The following RTN4IP1 variants were observed in gnomAD, a reference collection of about 807,000 sequenced individuals.
RTN4IP1 encodes the protein reticulon 4 interacting protein 1, also known as NAD(P)H oxidoreductase RTN4IP1, mitochondrial.
A neutral mutation model predicts 46.6 loss-of-function variants in RTN4IP1; 32 were observed. The observed-to-expected ratio is 0.69, with a 90% CI of 0.52 to 0.92. The LOEUF is 0.92. Ranked by LOEUF, RTN4IP1 falls within the 40% of genes least tolerant of loss-of-function variation. The pLI, the probability that RTN4IP1 is intolerant of heterozygous loss-of-function variation, is 0.00. For missense variants in RTN4IP1, 424 were observed against 485.8 expected, an observed-to-expected ratio of 0.87 and a Z score of 1.20; for synonymous variants, 167 against 161.8, an observed-to-expected ratio of 1.03 and a Z score of -0.24.
intron 5 of RTN4IP1, among the ~76,000 whole-genome samples, chr6:106,595,558 C>T (rs6911512): frequency 0.68 from 102,155 of 149,186 alleles, 36,807 homozygotes; most frequent in Non-Finnish European, 0.81. Flanking sequence ...AGTGCAGTGG[C>T]GTGATCTCTG....
chr6:106,589,257 G>A (rs1246805047), intron 6 of RTN4IP1, among the ~76,000 whole-genome samples: 1 of 12,942 alleles, frequency 7.7e-5, no homozygotes, highest in Non-Finnish European at 5.0e-4. Context: ...GGAGAAGGAG[G>A]AGGAGAAGGA....
intron 1 of RTN4IP1, among the ~76,000 whole-genome samples, chr6:106,627,141 G>A (rs374440208): frequency 2.9e-4 from 43 of 146,906 alleles, no homozygotes; most frequent in African/African-American, 2.7e-4. Flanking sequence ...AAAGGTAGGA[G>A]AAAAAAAAAA....
chr6:106,615,408 C>A (rs1776325613), intron 4 of RTN4IP1, among the ~76,000 whole-genome samples: 1 of 150,428 alleles, frequency 6.6e-6, no homozygotes, highest in African/African-American at 2.4e-5. Context: ...AACCTAATAT[C>A]AAAAAAAAAG....
At chr6:106,595,744 C>T (rs573636687) in intron 5 of RTN4IP1, among the ~76,000 whole-genome samples, 5 of 152,262 alleles carry the variant, frequency 3.3e-5, no homozygotes, top group African/African-American at 9.6e-5. Context: ...GTGATCTGCC[C>T]GCCTTGGCAT....
intron 4 of RTN4IP1, among the ~76,000 whole-genome samples, chr6:106,605,116 C>T (rs1447759142): frequency 6.6e-6 from 1 of 152,204 alleles, no homozygotes; most frequent in Non-Finnish European, 1.5e-5. Flanking sequence ...GAGAACCAGA[C>T]TGCCTGGCAC....
chr6:106,614,901 A>T (rs918758045), intron 4 of RTN4IP1, among the ~76,000 whole-genome samples: 1 of 152,108 alleles, frequency 6.6e-6, no homozygotes, highest in African/African-American at 2.4e-5. Flanking sequence ...GCTATTGTAT[A>T]AAACACAAAT....
intron 6 of RTN4IP1, among the ~76,000 whole-genome samples, chr6:106,588,451 A>G (rs1214016724): frequency 6.6e-6 from 1 of 152,174 alleles, no homozygotes; most frequent in East Asian, 1.9e-4. Flanking sequence ...ATTTTCTATC[A>G]TTTGGTTTCA....
chr6:106,612,693 A>G (rs1776256649), intron 4 of RTN4IP1, among the ~76,000 whole-genome samples: 1 of 152,200 alleles, frequency 6.6e-6, no homozygotes, highest in African/African-American at 2.4e-5. Flanking sequence ...CACCTGCTCT[A>G]CCCTAACTCA....
chr6:106,575,576 A>G (rs868025574), intron 8 of RTN4IP1, among the ~76,000 whole-genome samples: 2 of 152,306 alleles, frequency 1.3e-5, no homozygotes, highest in Middle Eastern at 6.8e-3. Context: ...ACCTCTCACT[A>G]CTGCAAGAGC....
intron 5 of RTN4IP1, among the ~76,000 whole-genome samples, chr6:106,593,898 TC>T (rs1244079336): frequency 6.6e-6 from 1 of 152,146 alleles, no homozygotes; most frequent in African/African-American, 2.4e-5. Flanking sequence ...AAGAATATAA[TC>T]CAAGATGAAT....
rs991139830 is a variant in RTN4IP1, at chr6:106,592,364, GA to G, written c.670-65del. 1.2e-4 allele frequency: 185 copies of G among 1,509,480 alleles called. No homozygotes were observed. The East Asian group carries it at 1.7e-3, about 13-fold the overall frequency. 93.5% of individuals were successfully genotyped at this position (1,509,480 alleles called of 1,614,324 possible). A position where few individuals can be genotyped will look rare whatever the true frequency, so the allele number is the denominator to read the frequency against. ...AGAGATTAGAAAAACTGACTGCATT[GA>G]AAAAAAAATCATTGGCACCATGTAT... is the stretch of plus-strand genomic sequence containing the variant. On this transcript the variant is annotated intron_variant, in intron 5 of 8. Transcript: ENST00000369063.
At chr6:106,615,496 T>C (rs945750331) in intron 4 of RTN4IP1, among the ~76,000 whole-genome samples, 4 of 152,136 alleles carry the variant, frequency 2.6e-5, no homozygotes, top group African/African-American at 9.7e-5. Context: ...GAGGAATAGT[T>C]CAATTCCTAA....
chr6:106,619,327 C>A lies in RTN4IP1; in HGVS notation c.496-1G>T. 1.2e-6 allele frequency: 2 copies of A among 1,613,976 alleles called. No individual in the cohort carries two copies. Among genetic ancestry groups the A allele is most frequent in the Non-Finnish European group, 1.7e-6 (2 of 1,179,964 alleles). On this transcript the variant is annotated splice_acceptor_variant, in intron 3 of 8. Transcript: ENST00000369063. LOFTEE classifies it high-confidence loss of function. Reference sequence around the variant, plus strand: ...TGAGTGATTTGGGTTTGTGAGAGACCTACATTTGAAGACAACAGTCAAAAA... The same window carrying A: ...TGAGTGATTTGGGTTTGTGAGAGACATACATTTGAAGACAACAGTCAAAAA...
rs1329217168 is a variant in RTN4IP1 at position 106,595,536 on chromosome 6, G to C, written c.670-3236C>G. ...TTTTTGTGGGGGACAGTCTCGCTCT[G>C]TCCCAGGCTAGAGTGCAGTGGCGTG... On this transcript the variant is annotated intron_variant, in intron 5 of 8. Coordinates refer to ENST00000369063, the MANE Select transcript of RTN4IP1 (RefSeq NM_032730.5). Among the ~76,000 whole-genome samples the C allele has an allele frequency of 2.1e-5, 3 of 143,492 alleles. No homozygotes were observed. In the Admixed American group the frequency reaches 2.1e-4, roughly 10 times the overall value. The allele number at this position is 143,492 out of a possible 152,430, so 94.1% of individuals were successfully genotyped here. A position where few individuals can be genotyped will look rare whatever the true frequency, so the allele number is the denominator to read the frequency against.
At chr6:106,624,517 T>G (rs1776584733) in intron 1 of RTN4IP1, among the ~76,000 whole-genome samples, 1 of 151,662 alleles carries the variant, frequency 6.6e-6, no homozygotes, top group Admixed American at 6.6e-5. Context: ...TGGCTAATTT[T>G]GTAGAAACAG....
chr6:106,575,612 C>T (rs1441394523), intron 8 of RTN4IP1, among the ~76,000 whole-genome samples: 1 of 152,246 alleles, frequency 6.6e-6, no homozygotes, highest in African/African-American at 2.4e-5. Context: ...GAGAAGGACA[C>T]TGTCTAGGCA....
intron 5 of RTN4IP1, among the ~76,000 whole-genome samples, chr6:106,601,756 A>G (rs2114654453): frequency 6.6e-6 from 1 of 152,102 alleles, no homozygotes. Flanking sequence ...AATTACAGAC[A>G]CATGCCACCA....
chr6:106,606,135 G>C (rs1047487444), intron 4 of RTN4IP1, among the ~76,000 whole-genome samples: 4 of 152,024 alleles, frequency 2.6e-5, no homozygotes, highest in African/African-American at 9.7e-5. Flanking sequence ...ACAAAAATCC[G>C]TAGCAGCCAG....
intron 6 of RTN4IP1, among the ~76,000 whole-genome samples, chr6:106,589,006 A>G (rs185933214): frequency 6.6e-6 from 1 of 150,434 alleles, no homozygotes; most frequent in East Asian, 2.0e-4. Context: ...ACTACTCAAG[A>G]GGCTGAGGCA....
Sources: gnomAD v4.1 joint callset for allele counts (sites outside exome capture counted in the v4.1 genomes callset) on GRCh38, gnomAD v4.1.1 for gene constraint, MANE v1.5 for transcripts, NCBI Gene and HGNC (gene_info 2026-07-23, HGNC 2026-07-21) for gene names.